ANKS1B: variants seen among roughly 807,000 people sequenced by gnomAD.
ANKS1B encodes the protein ankyrin repeat and sterile alpha motif domain containing 1B, also known as ankyrin repeat and sterile alpha motif domain-containing protein 1B.
ANKS1B carries 36 observed loss-of-function variants against 148.3 expected under a neutral mutation model. The observed-to-expected ratio is 0.24, with a 90% CI of 0.19 to 0.32. The LOEUF (loss-of-function observed/expected upper bound fraction) is 0.32. ANKS1B is among the 10% of genes least tolerant of loss of function. The probability of loss-of-function intolerance (pLI) is 1.00; values close to 1 mark genes in which losing one functional copy is unlikely to be tolerated. For missense variants in ANKS1B, 1,157 were observed against 1,542.6 expected, an observed-to-expected ratio of 0.75 and a Z score of 4.19; for synonymous variants, 542 against 560.8, an observed-to-expected ratio of 0.97 and a Z score of 0.47.
At chr12:98,771,499 G>C (rs2098571336) in intron 25 of ANKS1B, among the ~76,000 whole-genome samples, 1 of 151,808 alleles carries the variant, frequency 6.6e-6, no homozygotes, top group Non-Finnish European at 1.5e-5. Flanking sequence ...ATTGAGACAG[G>C]GTCTCACTCT....
chr12:99,717,874 C>A (rs1339117428), intron 8 of ANKS1B, among the ~76,000 whole-genome samples: 1 of 151,384 alleles, frequency 6.6e-6, no homozygotes, highest in Non-Finnish European at 1.5e-5. Flanking sequence ...AACTCCCCAA[C>A]TCTGGTGCCA....
chr12:98,758,755 T>TTTTTCTTTTC (rs750085082), intron 25 of ANKS1B, among the ~76,000 whole-genome samples: 4 of 146,176 alleles, frequency 2.7e-5, no homozygotes, highest in Non-Finnish European at 4.5e-5. Context: ...GGATTTTTCT[T>TTTTTCTTTTC]TTTTCTTTTC....
At chr12:99,869,775 T>C (rs1164276849) in intron 1 of ANKS1B, among the ~76,000 whole-genome samples, 2 of 149,484 alleles carry the variant, frequency 1.3e-5, no homozygotes, top group African/African-American at 2.5e-5. Flanking sequence ...TAGCAAAAAA[T>C]GAAAACTGCT....
chr12:99,161,935 C>T (rs1326552339), intron 14 of ANKS1B, among the ~76,000 whole-genome samples: 1 of 152,104 alleles, frequency 6.6e-6, no homozygotes, highest in African/African-American at 2.4e-5. Context: ...AGGCTACACC[C>T]TTGAGAGGAT....
chr12:99,396,047 A>G (rs1454966921), intron 12 of ANKS1B, among the ~76,000 whole-genome samples: 1 of 152,176 alleles, frequency 6.6e-6, no homozygotes, highest in Non-Finnish European at 1.5e-5. Flanking sequence ...GCTACTACAG[A>G]TTTCAAATAA....
chr12:99,920,791 T>C (rs754790724), intron 1 of ANKS1B, among the ~76,000 whole-genome samples: 1 of 152,026 alleles, frequency 6.6e-6, no homozygotes, highest in Non-Finnish European at 1.5e-5. Flanking sequence ...CAGAACAAAT[T>C]TGCCCTTCCT....
intron 15 of ANKS1B, among the ~76,000 whole-genome samples, chr12:99,132,115 T>C (rs1245275813): frequency 6.6e-6 from 1 of 151,612 alleles, no homozygotes; most frequent in Non-Finnish European, 1.5e-5. Flanking sequence ...CAACAGAAAA[T>C]GTTGGTGGGA....
intron 17 of ANKS1B, among the ~76,000 whole-genome samples, chr12:98,850,315 A>G (rs2099515603): frequency 1.3e-5 from 2 of 152,198 alleles, no homozygotes; most frequent in African/African-American, 4.8e-5. Flanking sequence ...ATCAAATATG[A>G]GAAATTATAA....
chr12:99,483,783 G>T (rs1239823542), intron 10 of ANKS1B, among the ~76,000 whole-genome samples: 3 of 151,884 alleles, frequency 2.0e-5, no homozygotes, highest in Admixed American at 6.6e-5. Context: ...TAGTTCATGT[G>T]TGTATAGGTG....
rs71081900 is a variant in ANKS1B at position 99,124,418 on chromosome 12, A to ATGTG, written c.2526+29867_2526+29870dup. 1.8e-3 allele frequency among the ~76,000 whole-genome samples: 264 copies of ATGTG among 149,974 alleles called. 1 individual carries two copies. The highest frequency in any genetic ancestry group is 6.3e-3 in the African/African-American group (252 of 40,306). ...AGCATGCACAAACTTATTTGTGTGCATGTGTGTGTGTGTGTGTATGTGTGT... is the reference window on the plus strand; with the variant it reads ...AGCATGCACAAACTTATTTGTGTGCATGTGTGTGTGTGTGTGTGTGTATGTGTGT... On this transcript the variant is annotated intron_variant, in intron 15 of 26. Transcript: ENST00000683438.
At chr12:99,137,376 G>A (rs941208294) in intron 15 of ANKS1B, among the ~76,000 whole-genome samples, 4 of 152,148 alleles carry the variant, frequency 2.6e-5, no homozygotes, top group African/African-American at 7.2e-5. Context: ...GTCAGTCAAC[G>A]ACATTGACTG....
intron 17 of ANKS1B, among the ~76,000 whole-genome samples, chr12:99,047,439 T>C (rs1406185888): frequency 6.6e-6 from 1 of 152,044 alleles, no homozygotes; most frequent in Non-Finnish European, 1.5e-5. Flanking sequence ...ACTAAAAAAT[T>C]TCCAAAGTTG....
rs556457857 is a variant in ANKS1B at position 99,782,225 on chromosome 12, G to A, written c.670-128C>T. The A allele has an allele frequency of 1.1e-4, 81 of 737,840 alleles. No homozygotes were observed. In the African/African-American group the frequency reaches 1.3e-3, roughly 12 times the overall value. The allele number at this position is 737,840 out of a possible 1,614,324, so 45.7% of individuals were successfully genotyped here. A position where few individuals can be genotyped will look rare whatever the true frequency, so the allele number is the denominator to read the frequency against. On this transcript the variant is annotated intron_variant, in intron 4 of 26. Coordinates refer to ENST00000683438, the MANE Select transcript of ANKS1B (RefSeq NM_001352186.2). ...TAATCTCAGCTCTCCCTAACAGAAA[G>A]GTCATGTGGAATAAAGAAGAGATTC...
At chr12:99,474,695 A>G (rs1007086894) in intron 10 of ANKS1B, among the ~76,000 whole-genome samples, 11 of 152,074 alleles carry the variant, frequency 7.2e-5, no homozygotes, top group Non-Finnish European at 1.6e-4. Flanking sequence ...ATACTATATA[A>G]TGACAAACAT....
At chr12:98,795,079 G>C (rs1319211962) in intron 22 of ANKS1B, 1 of 592,918 alleles carries the variant, frequency 1.7e-6, no homozygotes, top group Non-Finnish European at 3.0e-6. Context: ...AATGAAAAAT[G>C]ATTAAAATAT....
At chr12:98,886,344 T>C (rs67371155) in intron 17 of ANKS1B, among the ~76,000 whole-genome samples, 19,232 of 152,176 alleles carry the variant, frequency 0.13, 1,321 homozygotes, top group Middle Eastern at 0.17. Flanking sequence ...ATAGTTGAAT[T>C]ACTGACACAG....
chr12:99,706,321 G>T (rs2055762190), intron 8 of ANKS1B: 1 of 151,874 alleles, frequency 6.6e-6, no homozygotes, highest in Non-Finnish European at 1.5e-5. Flanking sequence ...GAAGATGGTT[G>T]GGGTACTGCT....
chr12:99,803,033 G>C (rs1223024441), intron 4 of ANKS1B, among the ~76,000 whole-genome samples: 1 of 151,920 alleles, frequency 6.6e-6, no homozygotes, highest in African/African-American at 2.4e-5. Flanking sequence ...TGTAATTGAA[G>C]TCTAAAAGTA....
intron 14 of ANKS1B, among the ~76,000 whole-genome samples, chr12:99,159,654 G>A (rs775343475): frequency 3.3e-5 from 5 of 152,074 alleles, no homozygotes; most frequent in East Asian, 1.9e-4. Flanking sequence ...GGTTGATGCC[G>A]TGTCTTTGTT....
Sources: gnomAD v4.1 joint callset for allele counts (sites outside exome capture counted in the v4.1 genomes callset) on GRCh38, gnomAD v4.1.1 for gene constraint, MANE v1.5 for transcripts, NCBI Gene and HGNC (gene_info 2026-07-23, HGNC 2026-07-21) for gene names.